The following CEP350 variants were observed in gnomAD, a reference collection of about 807,000 sequenced individuals.
CEP350 encodes the protein centrosome-associated protein 350.
CEP350 carries 126 observed loss-of-function variants against 331.8 expected under a neutral mutation model. That is an observed-to-expected ratio of 0.38 (90% CI 0.33 to 0.44). CEP350 has a LOEUF of 0.44. Ranked by LOEUF, CEP350 falls within the 20% of genes least tolerant of loss-of-function variation. The pLI is 1.00. For missense variants in CEP350, 3,406 were observed against 3,634.6 expected (o/e 0.94, Z 1.62); for synonymous variants, 1,200 against 1,259.5 (o/e 0.95, Z 1.00).
intron 21 of CEP350, among the ~76,000 whole-genome samples, chr1:180,047,336 A>G (rs912623662): frequency 2.6e-5 from 4 of 152,216 alleles, no homozygotes; most frequent in South Asian, 2.1e-4. Flanking sequence ...AGAAGTTCAC[A>G]TGGCATTTCA....
chr1:180,079,953 C>T (rs746581690), intron 29 of CEP350, among the ~76,000 whole-genome samples: 2 of 152,140 alleles, frequency 1.3e-5, no homozygotes, highest in Admixed American at 6.5e-5. Flanking sequence ...ATTTAACCCT[C>T]GCAAGAATCC....
Position 180,036,990 on chromosome 1 carries a change from C to T in CEP350, c.4011C>T (p.Asn1337=), listed in dbSNP as rs768576547. The part of the protein sequence containing the change: ...HRMAAELSYL[N]AIEESVRQLS... The stretch of plus-strand genomic sequence containing the variant: ...TGGCAGCAGAACTCAGTTATCTGAA[C>T]GCCATTGAGGAGTCGGTGCGCCAAC... Residue 1337 remains asparagine, a synonymous_variant, in exon 17 of 38, where the codon AAC becomes AAT. Transcript: ENST00000367607. 33 of 1,596,074 alleles carry T rather than the reference C, an allele frequency of 2.1e-5. No homozygotes were observed. The highest frequency in any genetic ancestry group is 6.9e-5 in the South Asian group (6 of 87,304).
chr1:180,073,620 C>A (rs1659035517), intron 27 of CEP350, among the ~76,000 whole-genome samples: 1 of 152,164 alleles, frequency 6.6e-6, no homozygotes, highest in Non-Finnish European at 1.5e-5. Context: ...TAAAAATACA[C>A]TTTTAAAAAT....
intron 8 of CEP350, among the ~76,000 whole-genome samples, chr1:180,008,618 A>G (rs1019891624): frequency 1.1e-4 from 16 of 152,316 alleles, no homozygotes; most frequent in African/African-American, 3.8e-4. Flanking sequence ...TCATTATACA[A>G]ATATTAATAT....
At chr1:180,027,965 A>AT (rs1655786348) in intron 14 of CEP350, among the ~76,000 whole-genome samples, 1 of 152,206 alleles carries the variant, frequency 6.6e-6, no homozygotes, top group Non-Finnish European at 1.5e-5. Flanking sequence ...AGGAGAAATT[A>AT]TTTTTAAATC....
At chr1:180,024,648 A>G in intron 14 of CEP350, 66 bp downstream of exon 14, 1 of 1,500,458 alleles carries the variant, frequency 6.7e-7, no homozygotes, top group Non-Finnish European at 8.9e-7. Context: ...ATCTAAAGTT[A>G]TGATTTGATT....
chr1:180,064,438 C>CT (rs901351124), intron 26 of CEP350, among the ~76,000 whole-genome samples: 27 of 146,836 alleles, frequency 1.8e-4, no homozygotes, highest in East Asian at 5.9e-4. Context: ...AAGGGCTCTA[C>CT]TTTTTTTTTT....
intron 1 of CEP350, among the ~76,000 whole-genome samples, chr1:179,984,859 T>A (rs1652539257): frequency 6.6e-6 from 1 of 152,194 alleles, no homozygotes; most frequent in South Asian, 2.1e-4. Flanking sequence ...TGTTGTTACA[T>A]GATTTTTATA....
intron 1 of CEP350, among the ~76,000 whole-genome samples, chr1:179,974,955 T>TA (rs1337475885): frequency 2.0e-5 from 3 of 151,670 alleles, no homozygotes; most frequent in African/African-American, 7.3e-5. Flanking sequence ...TGCACCACTG[T>TA]ACTCCAGCCT....
chr1:180,114,328 TAAG>T lies in CEP350; in HGVS notation c.*3170_*3172del, dbSNP rs1661583506. ...AACTTACATCTTCCTTTTACTACCT[TAAG>T]AATACTAGTGAATAAAACATTAATT... On this transcript the variant is annotated 3_prime_UTR_variant, in exon 38 of 38. Coordinates refer to ENST00000367607, the MANE Select transcript of CEP350 (RefSeq NM_014810.5). 1 of 152,644 alleles carries T rather than the reference TAAG, an allele frequency of 6.6e-6. No individual in the cohort carries two copies. Among genetic ancestry groups the T allele is most frequent in the African/African-American group, 2.4e-5 (1 of 41,446 alleles). The allele number at this position is 152,644 out of a possible 1,614,324, so 9.5% of individuals were successfully genotyped here.
rs372226605 is a variant in CEP350 at position 180,048,722 on chromosome 1, A to G, written c.4792+17A>G. 3 of 1,583,470 alleles carry G rather than the reference A, an allele frequency of 1.9e-6. No homozygotes were observed. Among genetic ancestry groups the G allele is most frequent in the Non-Finnish European group, 2.6e-6 (3 of 1,158,116 alleles). On this transcript the variant is annotated intron_variant, in intron 22 of 37. Transcript: ENST00000367607. ...ATGAAAAAGGTAACTTTCTTTGCAA[A>G]TAAATGTGTAATCATTTGTTCAGAA... is the stretch of plus-strand genomic sequence containing the variant.
At chr1:179,963,910 G>A (rs866258324) in intron 1 of CEP350, among the ~76,000 whole-genome samples, 1 of 152,054 alleles carries the variant, frequency 6.6e-6, no homozygotes, top group Non-Finnish European at 1.5e-5. Flanking sequence ...ATTGTTTTGG[G>A]CAGTATGGTC....
chr1:180,086,164 G>A (rs2149103836), intron 31 of CEP350, among the ~76,000 whole-genome samples: 1 of 152,310 alleles, frequency 6.6e-6, no homozygotes, highest in Middle Eastern at 3.4e-3. Context: ...AATAGGGATT[G>A]TAACTTGCAC....
At chr1:180,079,168 T>C (rs1659411164) in intron 29 of CEP350, among the ~76,000 whole-genome samples, 1 of 149,690 alleles carries the variant, frequency 6.7e-6, no homozygotes, top group African/African-American at 2.4e-5. Flanking sequence ...TCCTTAATCG[T>C]GTACTTTATA....
Position 180,043,105 on chromosome 1 carries a change from G to A in CEP350, c.4412G>A (p.Gly1471Glu), listed in dbSNP as rs1656874812. ...THISDAVVAS[G>E]APLAILYDHQ... ...ATCTCAGATGCTGTCGTGGCTTCAG[G>A]AGCTCCCCTTGCAATACTGTATGAC... Residue 1471 changes from glycine to glutamate, a missense_variant, in exon 20 of 38, where the codon GGA becomes GAA. Physicochemically the swap from Gly to Glu is moderately conservative, Grantham distance 98 (BLOSUM62 -2). Transcript: ENST00000367607. The A allele has an allele frequency of 1.2e-6, 2 of 1,613,716 alleles. No homozygotes were observed. Among genetic ancestry groups the A allele is most frequent in the Non-Finnish European group, 1.7e-6 (2 of 1,179,746 alleles).
At chr1:180,078,069 G>C (rs1331192890) in intron 28 of CEP350, among the ~76,000 whole-genome samples, 1 of 151,928 alleles carries the variant, frequency 6.6e-6, no homozygotes, top group Non-Finnish European at 1.5e-5. Flanking sequence ...GGAAGCGAAG[G>C]TTACAGTGAG....
chr1:180,014,558 A>T, intron 10 of CEP350, 53 bp downstream of exon 10: 1 of 1,476,638 alleles, frequency 6.8e-7, no homozygotes, highest in Non-Finnish European at 9.0e-7. Flanking sequence ...GGAAATGCTT[A>T]TTTGCTATAC....
At chr1:180,082,882 A>G (rs4651055) in intron 30 of CEP350, among the ~76,000 whole-genome samples, 107,285 of 152,048 alleles carry the variant, frequency 0.71, 39,295 homozygotes, top group Admixed American at 0.79. Flanking sequence ...GCACATAAGT[A>G]AATATTGAGC....
intron 1 of CEP350, among the ~76,000 whole-genome samples, chr1:179,959,915 G>A (rs1650460912): frequency 6.6e-6 from 1 of 152,140 alleles, no homozygotes. Flanking sequence ...CTTAAATCCA[G>A]TATTCCTAAA....
Sources: gnomAD v4.1 joint callset for allele counts (sites outside exome capture counted in the v4.1 genomes callset) on GRCh38, gnomAD v4.1.1 for gene constraint, MANE v1.5 for transcripts, NCBI Gene and HGNC (gene_info 2026-07-23, HGNC 2026-07-21) for gene names.